The following BCL7A variants were observed in gnomAD, a reference collection of about 807,000 sequenced individuals.
The protein encoded by BCL7A is B-cell CLL/lymphoma 7 protein family member A.
Under a neutral mutation model 28.4 loss-of-function variants are expected in BCL7A, and 11 were observed. That is an observed-to-expected ratio of 0.39 (90% CI 0.24 to 0.64). BCL7A has a LOEUF of 0.64. BCL7A is among the 30% of genes least tolerant of loss of function. The pLI is 0.50. For missense variants in BCL7A, 222 were observed against 274.8 expected (o/e 0.81, Z 1.36); for synonymous variants, 123 against 103.3 (o/e 1.19, Z -1.15).
chr12:122,059,170 C>CT lies in BCL7A; in HGVS notation c.*10dup. 1 of 1,606,810 alleles carries CT rather than the reference C, an allele frequency of 6.2e-7. No individual in the cohort carries two copies. Among genetic ancestry groups the CT allele is most frequent in the Non-Finnish European group, 8.5e-7 (1 of 1,173,352 alleles). On this transcript the variant is annotated 3_prime_UTR_variant, in exon 6 of 6. Coordinates refer to ENST00000261822, the MANE Select transcript of BCL7A (RefSeq NM_001024808.3). The surrounding 1 kb of genome is among the most constrained non-coding windows in gnomAD (Gnocchi z 4.0). ...AAACTCCGAAGAGATGTAGACGATG[C>CT]TTTAAAGCCTCCGATCCATGTTCCA...
rs151048945 is a variant in BCL7A, at chr12:122,056,712, G to A, written c.561+1786G>A. On this transcript the variant is annotated intron_variant, in intron 5 of 5. Coordinates refer to ENST00000261822, the MANE Select transcript of BCL7A (RefSeq NM_001024808.3). ...TCCCAGCTACTCTGGAGGCTGAGGC[G>A]GGAGGATTGCTTGAGCCTGAGAGTT... Among the ~76,000 whole-genome samples, 686 of 152,160 alleles carry A rather than the reference G, an allele frequency of 4.5e-3. 3 individuals are homozygous for A. Among genetic ancestry groups the A allele is most frequent in the Non-Finnish European group, 7.0e-3 (473 of 67,988 alleles).
chr12:122,022,085 C>A lies in BCL7A; in HGVS notation c.-7C>A, dbSNP rs559549886. 1 of 1,560,116 alleles carries A rather than the reference C, an allele frequency of 6.4e-7. No individual in the cohort carries two copies. The highest frequency in any genetic ancestry group is 1.8e-5 in the Admixed American group (1 of 55,534). ...CGCTCCCCAGCCTCCGTCTCCCCGC[C>A]GGAACCATGTCGGGCAGGTCGGTTC... is the stretch of plus-strand genomic sequence containing the variant. On this transcript the variant is annotated 5_prime_UTR_variant, in exon 1 of 6. Transcript: ENST00000261822.
chr12:122,025,946 C>CAAAAAAAAAAAAAAA (rs1204623444), intron 1 of BCL7A, among the ~76,000 whole-genome samples: 10 of 108,188 alleles, frequency 9.2e-5, no homozygotes, highest in Admixed American at 1.2e-4. Flanking sequence ...GACTCCATCT[C>CAAAAAAAAAAAAAAA]AAAAAAAAAA....
In BCL7A at chr12:122,048,865, C is replaced by T. The variant is rs138660760; in HGVS notation, c.439+4812C>T. ...CAAAACACTGTTTCTACTAAAAATACAAAAAATTAGCTGGGTGTGGTGGCG... is the reference window on the plus strand; with the variant it reads ...CAAAACACTGTTTCTACTAAAAATATAAAAAATTAGCTGGGTGTGGTGGCG... On this transcript the variant is annotated intron_variant, in intron 4 of 5. Coordinates refer to ENST00000261822, the MANE Select transcript of BCL7A (RefSeq NM_001024808.3). Among the ~76,000 whole-genome samples the T allele has an allele frequency of 5.2e-3, 790 of 151,598 alleles. 8 individuals carry two copies. Among genetic ancestry groups the T allele is most frequent in the African/African-American group, 0.018 (756 of 41,360 alleles).
intron 1 of BCL7A, among the ~76,000 whole-genome samples, chr12:122,025,753 C>T (rs1442713651): frequency 2.0e-5 from 3 of 151,358 alleles, no homozygotes; most frequent in African/African-American, 7.3e-5. Flanking sequence ...GGAAACCAGC[C>T]TGGCCAACAT....
Position 122,059,199 on chromosome 12 carries a change from A to ATCGG in BCL7A, c.*36_*37insTCGG. On this transcript the variant is annotated 3_prime_UTR_variant, in exon 6 of 6. Coordinates refer to ENST00000261822, the MANE Select transcript of BCL7A (RefSeq NM_001024808.3). This position sits in a 1 kb window ranked among gnomAD's most constrained non-coding sequence, Gnocchi z 4.0. The stretch of plus-strand genomic sequence containing the variant: ...AAAGCCTCCGATCCATGTTCCATGG[A>ATCGG]AGGTACATCAGCAATTAATTCTAGA... 6.4e-7 allele frequency: 1 copy of ATCGG among 1,569,244 alleles called. No homozygotes were observed. The highest frequency in any genetic ancestry group is 8.8e-7 in the Non-Finnish European group (1 of 1,139,536).
rs1883465622 is a variant in BCL7A, at chr12:122,021,951, T to TGTGTGTGTGA, written c.-134_-133insTGAGTGTGTG. On this transcript the variant is annotated 5_prime_UTR_variant, in exon 1 of 6. An upstream open reading frame in the 5' UTR loses its in-frame stop. Transcript: ENST00000261822. ...GTGTATGTGTGTGTGTGTGTGTGTGTGTGTGTGAGTGTGTGCGTGTGAGAG... is the reference window on the plus strand; with the variant it reads ...GTGTATGTGTGTGTGTGTGTGTGTGTGTGTGTGTGAGTGTGTGAGTGTGTGCGTGTGAGAG... 13 of 588,806 alleles carry TGTGTGTGTGA rather than the reference T, an allele frequency of 2.2e-5. No homozygotes were observed. The African/African-American group carries it at 2.5e-4, about 11-fold the overall frequency. 36.5% of individuals were successfully genotyped at this position (588,806 alleles called of 1,614,324 possible). A position where few individuals can be genotyped will look rare whatever the true frequency, so the allele number is the denominator to read the frequency against.
At chr12:122,032,113 A>G (rs1309454280) in intron 2 of BCL7A, among the ~76,000 whole-genome samples, 1 of 152,162 alleles carries the variant, frequency 6.6e-6, no homozygotes, top group Non-Finnish European at 1.5e-5. Flanking sequence ...GCTTCCTCCA[A>G]AAAGACAGGG....
rs1223545691 is a variant in BCL7A at position 122,060,294 on chromosome 12, C to G, written c.*1131C>G. On this transcript the variant is annotated 3_prime_UTR_variant, in exon 6 of 6. Coordinates refer to ENST00000261822, the MANE Select transcript of BCL7A (RefSeq NM_001024808.3). ...TCAGGCTGTTCTGACTCTGAGCCAA[C>G]AGCTGGACCGTGTCTCATCCCCAGA... 4.3e-6 allele frequency: 1 copy of G among 232,944 alleles called. No individual in the cohort carries two copies. The highest frequency in any genetic ancestry group is 2.2e-5 in the African/African-American group (1 of 45,322). 14.4% of individuals were successfully genotyped at this position (232,944 alleles called of 1,614,324 possible).
At chr12:122,028,782 G>A (rs1364183517) in intron 1 of BCL7A, among the ~76,000 whole-genome samples, 3 of 148,732 alleles carry the variant, frequency 2.0e-5, no homozygotes, top group African/African-American at 5.2e-5. Flanking sequence ...GAGAGGGTGT[G>A]TAAGTAGAGT....
intron 4 of BCL7A, among the ~76,000 whole-genome samples, chr12:122,053,034 C>T (rs964636044): frequency 2.0e-5 from 3 of 151,862 alleles, no homozygotes; most frequent in Admixed American, 6.6e-5. Flanking sequence ...CTTACTCTGT[C>T]GCCCAGGCTG....
intron 1 of BCL7A, among the ~76,000 whole-genome samples, chr12:122,025,463 A>G: frequency 6.6e-6 from 1 of 151,546 alleles, no homozygotes; most frequent in East Asian, 1.9e-4. Context: ...TCTCTACTAA[A>G]AAAATACAAA....
At chr12:122,055,897 G>A (rs1197054644) in intron 5 of BCL7A, among the ~76,000 whole-genome samples, 3 of 152,158 alleles carry the variant, frequency 2.0e-5, no homozygotes, top group South Asian at 4.1e-4. Flanking sequence ...GATTACAGGC[G>A]TGAGCCACTG....
At chr12:122,051,664 C>A (rs1884193568) in intron 4 of BCL7A, among the ~76,000 whole-genome samples, 1 of 152,026 alleles carries the variant, frequency 6.6e-6, no homozygotes, top group Non-Finnish European at 1.5e-5. Flanking sequence ...GACTGGCCAC[C>A]TTCATGATTT....
In BCL7A at chr12:122,047,027, G is replaced by A. The variant is rs950927687; in HGVS notation, c.439+2974G>A. ...CAAGTGATTCTCTTGCCTCAGACTCGTGAGTAGCTGGGTTTACAGGCGTGC... is the reference window on the plus strand; with the variant it reads ...CAAGTGATTCTCTTGCCTCAGACTCATGAGTAGCTGGGTTTACAGGCGTGC... On this transcript the variant is annotated intron_variant, in intron 4 of 5. Transcript: ENST00000261822. Among the ~76,000 whole-genome samples the A allele has an allele frequency of 9.3e-5, 14 of 151,108 alleles. No individual in the cohort carries two copies. In the East Asian group the frequency reaches 1.4e-3, roughly 15 times the overall value.
At chr12:122,030,633 G>A (rs989764138) in intron 1 of BCL7A, 67 bp from the exon 2 acceptor site, 9 of 1,434,870 alleles carry the variant, frequency 6.3e-6, no homozygotes, top group Non-Finnish European at 8.8e-6. Flanking sequence ...CAGCCCCAAG[G>A]GAGTGTGGCC....
In BCL7A at chr12:122,054,816, G is replaced by A; in HGVS notation, c.451G>A (p.Glu151Lys). 1.9e-6 allele frequency: 3 copies of A among 1,613,948 alleles called. No individual in the cohort carries two copies. Among genetic ancestry groups the A allele is most frequent in the Non-Finnish European group, 2.5e-6 (3 of 1,179,914 alleles). Reference sequence around the variant, plus strand: ...TGCTCTTCCCTCAGATGCTTCTGATGAGCAGAATTCACAGTCCTCGATGGA... The same window carrying A: ...TGCTCTTCCCTCAGATGCTTCTGATAAGCAGAATTCACAGTCCTCGATGGA... ...EHPGAEDASDEQNSQSSMEHS... is the reference protein window; with the variant it reads ...EHPGAEDASDKQNSQSSMEHS... Residue 151 changes from glutamate to lysine, a missense_variant, in exon 5 of 6, where the codon GAG becomes AAG. Physicochemically the swap from Glu to Lys is moderately conservative, Grantham distance 56. Transcript: ENST00000261822.
intron 3 of BCL7A, among the ~76,000 whole-genome samples, chr12:122,036,311 C>T (rs1883854208): frequency 6.6e-6 from 1 of 152,048 alleles, no homozygotes; most frequent in Non-Finnish European, 1.5e-5. Flanking sequence ...GTGGGAGGGT[C>T]GCTTGAGCCC....
intron 3 of BCL7A, among the ~76,000 whole-genome samples, chr12:122,038,373 A>G (rs945069271): frequency 7.1e-6 from 1 of 140,242 alleles, no homozygotes. Flanking sequence ...CGGAGGCTGC[A>G]GTGAGCTAAG....
Sources: allele counts gnomAD v4.1 joint callset (sites outside exome capture counted in the v4.1 genomes callset), GRCh38; gene constraint gnomAD v4.1.1; non-coding constraint Gnocchi (gnomAD v3.1); transcripts MANE v1.5; gene names NCBI Gene and HGNC (gene_info 2026-07-23, HGNC 2026-07-21).